Variants in SLC22A15 observed in about 807,000 individuals in gnomAD.
SLC22A15 encodes the protein flipt 1.
Under a neutral mutation model 62.7 loss-of-function variants are expected in SLC22A15, and 45 were observed. The observed-to-expected ratio is 0.72, with a 90% confidence interval of 0.56 to 0.92. The LOEUF is 0.92. Among genes scored for constraint, SLC22A15 ranks in the 40% least tolerant of loss-of-function variants. The pLI is 0.00. For synonymous variants in SLC22A15, 264 were observed against 267.0 expected (o/e 0.99, Z 0.11); for missense variants, 622 against 665.6 (o/e 0.93, Z 0.72).
At chr1:116,004,673 G>A (rs938428393) in intron 2 of SLC22A15, among the ~76,000 whole-genome samples, 5 of 152,182 alleles carry the variant, frequency 3.3e-5, no homozygotes, top group Non-Finnish European at 4.4e-5. Flanking sequence ...TTTTGGTATC[G>A]AAGTAGTACT....
chr1:115,993,811 A>T (rs942004387), intron 2 of SLC22A15, among the ~76,000 whole-genome samples: 1 of 152,112 alleles, frequency 6.6e-6, no homozygotes, highest in Non-Finnish European at 1.5e-5. Flanking sequence ...GTCCAGGTGT[A>T]CTTTTCCAGC....
chr1:116,042,173 C>T (rs888222677), intron 8 of SLC22A15, among the ~76,000 whole-genome samples: 2 of 150,744 alleles, frequency 1.3e-5, no homozygotes, highest in African/African-American at 2.4e-5. Context: ...AAAATACCTC[C>T]CACAAGTAGA....
chr1:115,983,542 C>T (rs776747187), intron 1 of SLC22A15, among the ~76,000 whole-genome samples: 17 of 152,218 alleles, frequency 1.1e-4, no homozygotes, highest in Middle Eastern at 3.4e-3. Context: ...TGCGGGAGCT[C>T]GTTCAGCAGG....
intron 6 of SLC22A15, among the ~76,000 whole-genome samples, 198 bp from the exon 7 acceptor site, chr1:116,034,989 C>T (rs1361660802): frequency 6.6e-6 from 1 of 152,110 alleles, no homozygotes; most frequent in Non-Finnish European, 1.5e-5. Context: ...TTCCAAACCC[C>T]CATAATTTTT....
intron 8 of SLC22A15, among the ~76,000 whole-genome samples, chr1:116,058,517 G>A (rs1240281533): frequency 1.3e-5 from 2 of 152,132 alleles, no homozygotes; most frequent in Non-Finnish European, 2.9e-5. Flanking sequence ...CACTGCTGGT[G>A]GGAATATAAA....
At chr1:116,051,137 C>A (rs1557905829) in intron 8 of SLC22A15, among the ~76,000 whole-genome samples, 2 of 152,048 alleles carry the variant, frequency 1.3e-5, no homozygotes, top group Admixed American at 1.3e-4. Flanking sequence ...GTGAAAATTG[C>A]CAAAAACAAT....
At chr1:116,050,291 A>G (rs1227795047) in intron 8 of SLC22A15, among the ~76,000 whole-genome samples, 1 of 152,204 alleles carries the variant, frequency 6.6e-6, no homozygotes, top group Non-Finnish European at 1.5e-5. Flanking sequence ...GACATAACCA[A>G]AAAAGAAAAC....
Position 116,037,303 on chromosome 1 carries a change from G to A in SLC22A15, c.1086G>A (p.Trp362Ter). 2 of 1,612,348 alleles carry A rather than the reference G, an allele frequency of 1.2e-6. No individual in the cohort carries two copies. The highest frequency in any genetic ancestry group is 1.7e-6 in the Non-Finnish European group (2 of 1,178,576). ...TGTGTAATTTCTTTCTATTGTTTAG[G>A]TTTGGTCGGAAGCGAACATTATCAG... is the stretch of plus-strand genomic sequence containing the variant. ...PLCIYLINQKWFGRKRTLSAF... is the reference protein window; with the variant it reads ...PLCIYLINQK Residue 362 changes from tryptophan to a stop codon, truncating the protein, a stop_gained and splice_region_variant, in exon 8 of 12, where the codon TGG becomes TGA. Coordinates refer to ENST00000369503, the MANE Select transcript of SLC22A15 (RefSeq NM_018420.3). LOFTEE classifies it high-confidence loss of function.
rs775264564 is a variant in SLC22A15, at chr1:115,992,204, C to T, written c.261C>T (p.His87=). The change falls in exon 2 of 12, where the codon CAC becomes CAT. Residue 87 remains histidine, a synonymous_variant. Coordinates refer to ENST00000369503, the MANE Select transcript of SLC22A15 (RefSeq NM_018420.3). ...LTANGSEIHK[H]VHFSSSFTSI... Reference sequence around the variant, plus strand: ...CCAACGGCAGTGAGATCCATAAGCACGTGCATTTCAGCAGCAGCTTCACCT... The same window carrying T: ...CCAACGGCAGTGAGATCCATAAGCATGTGCATTTCAGCAGCAGCTTCACCT... 1.9e-5 allele frequency: 31 copies of T among 1,605,906 alleles called. No individual in the cohort carries two copies. The highest frequency in any genetic ancestry group is 2.5e-5 in the Non-Finnish European group (29 of 1,176,060).
intron 4 of SLC22A15, among the ~76,000 whole-genome samples, chr1:116,023,544 A>G (rs186089221): frequency 2.1e-4 from 32 of 152,334 alleles, no homozygotes; most frequent in Admixed American, 9.8e-4. Flanking sequence ...GCATTCATTT[A>G]TTAAACGGAT....
chr1:116,034,850 A>G (rs1412342269), intron 6 of SLC22A15, among the ~76,000 whole-genome samples: 2 of 152,228 alleles, frequency 1.3e-5, no homozygotes, highest in Non-Finnish European at 1.5e-5. Context: ...GTTGCCTTAA[A>G]TAAAGAATAG....
intron 4 of SLC22A15, among the ~76,000 whole-genome samples, chr1:116,021,795 C>A (rs1320717654): frequency 6.6e-6 from 1 of 152,074 alleles, no homozygotes; most frequent in Non-Finnish European, 1.5e-5. Context: ...GAAATTGAGC[C>A]TTTGAGAGAT....
intron 2 of SLC22A15, among the ~76,000 whole-genome samples, chr1:116,012,593 A>T (rs1477318253): frequency 6.6e-6 from 1 of 152,238 alleles, no homozygotes; most frequent in Non-Finnish European, 1.5e-5. Flanking sequence ...TAAATGATAC[A>T]AGTCAATTAA....
chr1:115,996,072 G>A lies in SLC22A15; in HGVS notation c.300+3829G>A, dbSNP rs570751427. 1.4e-4 allele frequency among the ~76,000 whole-genome samples: 22 copies of A among 152,124 alleles called. 1 individual carries two copies. The highest frequency in any genetic ancestry group is 5.1e-4 in the African/African-American group (21 of 41,488). Reference sequence around the variant, plus strand: ...CCCATCCCTTACCCTTTTCTTAATCGCTAGTAACCACTGATCTGCCTTCTT... The same window carrying A: ...CCCATCCCTTACCCTTTTCTTAATCACTAGTAACCACTGATCTGCCTTCTT... On this transcript the variant is annotated intron_variant, in intron 2 of 11. Transcript: ENST00000369503.
At chr1:116,007,908 A>G (rs1050958210) in intron 2 of SLC22A15, among the ~76,000 whole-genome samples, 8 of 152,202 alleles carry the variant, frequency 5.3e-5, no homozygotes, top group African/African-American at 1.7e-4. Context: ...TAGAAGAGCT[A>G]GATACTTTGC....
intron 1 of SLC22A15, among the ~76,000 whole-genome samples, chr1:115,985,962 A>AAG (rs1553215557): frequency 4.0e-5 from 6 of 151,300 alleles, no homozygotes; most frequent in African/African-American, 9.7e-5. Flanking sequence ...AAAAAAAAAA[A>AAG]AGAGAGAGAA....
At chr1:116,041,352 A>T (rs1657779967) in intron 8 of SLC22A15, among the ~76,000 whole-genome samples, 1 of 152,244 alleles carries the variant, frequency 6.6e-6, no homozygotes, top group African/African-American at 2.4e-5. Flanking sequence ...AATAATAAAA[A>T]TCAGTACTAT....
intron 1 of SLC22A15, among the ~76,000 whole-genome samples, chr1:115,976,943 G>T (rs1654330691): frequency 6.6e-6 from 1 of 152,148 alleles, no homozygotes; most frequent in Non-Finnish European, 1.5e-5. Flanking sequence ...GGTTCTGCTG[G>T]GCCCTCCACC....
intron 2 of SLC22A15, 79 bp from the exon 3 acceptor site, chr1:116,019,503 A>T (rs1246932207): frequency 2.2e-6 from 3 of 1,389,786 alleles, no homozygotes; most frequent in Non-Finnish European, 2.9e-6. Flanking sequence ...ATTCTGGTGT[A>T]CAAGTTTTTG....
Sources: allele counts gnomAD v4.1 joint callset (sites outside exome capture counted in the v4.1 genomes callset), GRCh38; gene constraint gnomAD v4.1.1; transcripts MANE v1.5; gene names NCBI Gene and HGNC (gene_info 2026-07-23, HGNC 2026-07-21).